The following UBR3 variants were observed in gnomAD, a reference collection of about 807,000 sequenced individuals.
The protein encoded by UBR3 is ubiquitin protein ligase E3 component n-recognin 3.
A neutral mutation model predicts 243.2 loss-of-function variants in UBR3; 85 were observed. The ratio of observed to expected loss-of-function variants is 0.35; its 90% CI spans 0.29 to 0.42. UBR3 has a LOEUF of 0.42. Ranked by LOEUF, UBR3 falls within the 10% of genes least tolerant of loss-of-function variation. UBR3 has a pLI of 1.00. For synonymous variants in UBR3, 748 were observed against 799.8 expected (o/e 0.94, Z 1.09); for missense variants, 1,686 against 2,300.8 (o/e 0.73, Z 5.47).
chr2:169,932,267 G>A (rs537444292), intron 18 of UBR3, among the ~76,000 whole-genome samples: 7 of 151,906 alleles, frequency 4.6e-5, no homozygotes, highest in Admixed American at 3.9e-4. Context: ...TAGTAGAGAC[G>A]GGGTTTCACC....
chr2:170,005,492 C>T (rs976589536), intron 27 of UBR3, among the ~76,000 whole-genome samples: 2 of 152,024 alleles, frequency 1.3e-5, no homozygotes, highest in African/African-American at 4.8e-5. Context: ...GGAAATGTTG[C>T]CATGAGTTTT....
At chr2:169,912,146 A>G (rs2085277422) in intron 10 of UBR3, among the ~76,000 whole-genome samples, 1 of 152,160 alleles carries the variant, frequency 6.6e-6, no homozygotes, top group Non-Finnish European at 1.5e-5. Flanking sequence ...GATGAGTTTA[A>G]CTCACGTGGA....
At chr2:169,882,236 T>C (rs2083904137) in intron 5 of UBR3, among the ~76,000 whole-genome samples, 1 of 137,274 alleles carries the variant, frequency 7.3e-6, no homozygotes, top group Admixed American at 7.7e-5. Flanking sequence ...TACATATATT[T>C]ATATTGTATA....
intron 10 of UBR3, among the ~76,000 whole-genome samples, chr2:169,911,882 A>G (rs1227380551): frequency 6.6e-6 from 1 of 152,194 alleles, no homozygotes; most frequent in East Asian, 1.9e-4. Flanking sequence ...ATGGAATAGA[A>G]TGTATCAAAT....
intron 1 of UBR3, among the ~76,000 whole-genome samples, chr2:169,832,063 C>T (rs1470046950): frequency 6.6e-6 from 1 of 152,152 alleles, no homozygotes; most frequent in Non-Finnish European, 1.5e-5. Context: ...AATCTTGAAT[C>T]TATCACAGCT....
chr2:169,858,577 A>G (rs1380482380), intron 1 of UBR3, among the ~76,000 whole-genome samples: 2 of 151,898 alleles, frequency 1.3e-5, no homozygotes, highest in Non-Finnish European at 1.5e-5. Flanking sequence ...CTTTTCATTT[A>G]GTACTTTATT....
At chr2:170,053,217 C>G (rs1210103277) in intron 32 of UBR3, among the ~76,000 whole-genome samples, 2 of 152,198 alleles carry the variant, frequency 1.3e-5, no homozygotes, top group Non-Finnish European at 2.9e-5. Flanking sequence ...GAGTGGCACA[C>G]TATGCCTAAA....
At chr2:170,056,732 C>T (rs1020613199) in intron 33 of UBR3, among the ~76,000 whole-genome samples, 16 of 152,088 alleles carry the variant, frequency 1.1e-4, no homozygotes, top group African/African-American at 3.6e-4. Flanking sequence ...TCAATATAAC[C>T]TTCACTGTTA....
intron 23 of UBR3, among the ~76,000 whole-genome samples, chr2:169,952,994 A>G (rs1279006325): frequency 6.6e-6 from 1 of 152,128 alleles, no homozygotes; most frequent in African/African-American, 2.4e-5. Context: ...CTGTTATATA[A>G]TAGTATATCC....
intron 8 of UBR3, among the ~76,000 whole-genome samples, chr2:169,900,460 A>G (rs1399956006): frequency 3.3e-5 from 5 of 152,252 alleles, no homozygotes; most frequent in East Asian, 3.9e-4. Context: ...CACTCTGGTA[A>G]TAGTTTCTTT....
At chr2:169,859,919 A>C (rs2083029645) in intron 1 of UBR3, among the ~76,000 whole-genome samples, 1 of 151,632 alleles carries the variant, frequency 6.6e-6, no homozygotes, top group Non-Finnish European at 1.5e-5. Context: ...GGGTTTCACC[A>C]TGTTGGCCAA....
At chr2:169,920,893 G>A (rs1274506856) in intron 11 of UBR3, among the ~76,000 whole-genome samples, 1 of 152,172 alleles carries the variant, frequency 6.6e-6, no homozygotes, top group African/African-American at 2.4e-5. Flanking sequence ...AGATGGGAAG[G>A]TTGTGAGCTA....
rs895601000 is a variant in UBR3, at chr2:169,844,207, A to G, written c.545+16155A>G. 8.6e-5 allele frequency among the ~76,000 whole-genome samples: 13 copies of G among 152,036 alleles called. No homozygotes were observed. The South Asian group carries it at 1.0e-3, about 12-fold the overall frequency. Reference sequence around the variant, plus strand: ...TTTTTAGTAGAGATAGGGTTTCACCATGTTGGCCAGGCTGGTCTCAAACTC... The same window carrying G: ...TTTTTAGTAGAGATAGGGTTTCACCGTGTTGGCCAGGCTGGTCTCAAACTC... On this transcript the variant is annotated intron_variant, in intron 1 of 38. Coordinates refer to ENST00000272793, the MANE Select transcript of UBR3 (RefSeq NM_172070.4).
At chr2:169,897,632 C>T (rs1184140062) in intron 8 of UBR3, among the ~76,000 whole-genome samples, 24 of 152,040 alleles carry the variant, frequency 1.6e-4, no homozygotes, top group Non-Finnish European at 5.9e-5. Flanking sequence ...TCCTGAGTAG[C>T]TGGGATAACA....
intron 33 of UBR3, among the ~76,000 whole-genome samples, chr2:170,058,242 G>C (rs536314944): frequency 2.0e-5 from 3 of 151,060 alleles, no homozygotes; most frequent in African/African-American, 4.9e-5. Flanking sequence ...CTCTTTAATT[G>C]CTTATGTTTG....
intron 31 of UBR3, among the ~76,000 whole-genome samples, chr2:170,035,090 T>C (rs2105427145): frequency 6.6e-6 from 1 of 152,130 alleles, no homozygotes; most frequent in East Asian, 1.9e-4. Flanking sequence ...ATCAGATGTG[T>C]CTTTTGCAAA....
chr2:169,867,772 A>G (rs888711554), intron 1 of UBR3, among the ~76,000 whole-genome samples: 11 of 152,344 alleles, frequency 7.2e-5, no homozygotes, highest in Non-Finnish European at 1.5e-4. Flanking sequence ...TGAACCTTCC[A>G]GTGCCAATCA....
chr2:169,865,316 G>A (rs955370505), intron 1 of UBR3, among the ~76,000 whole-genome samples: 3 of 152,106 alleles, frequency 2.0e-5, no homozygotes, highest in East Asian at 3.8e-4. Flanking sequence ...TAAATGGTCA[G>A]TCCCCACACT....
chr2:169,933,269 GT>G (rs2105350763), intron 19 of UBR3, among the ~76,000 whole-genome samples: 1 of 152,262 alleles, frequency 6.6e-6, no homozygotes, highest in Non-Finnish European at 1.5e-5. Context: ...TGTTCCATCA[GT>G]GGAATTAAAG....
Sources: gnomAD v4.1 joint callset for allele counts (sites outside exome capture counted in the v4.1 genomes callset) on GRCh38, gnomAD v4.1.1 for gene constraint, MANE v1.5 for transcripts, NCBI Gene and HGNC (gene_info 2026-07-23, HGNC 2026-07-21) for gene names.